The following TTN variants were observed in gnomAD, a reference collection of about 807,000 sequenced individuals.
TTN encodes the protein connectin.
In TTN, 1,525 loss-of-function variants were observed where a neutral mutation model predicts 3,223.0. The observed-to-expected ratio is 0.47, with a 90% CI of 0.45 to 0.49. The LOEUF (loss-of-function observed/expected upper bound fraction) is 0.49. Among genes scored for constraint, TTN ranks in the 20% least tolerant of loss-of-function variants. The pLI is 0.00. For missense variants in TTN, 40,786 were observed against 43,424.0 expected (o/e 0.94, Z 5.40); for synonymous variants, 14,094 against 15,161.0 (o/e 0.93, Z 5.17).
chr2:178,675,878 G>T (rs370769889), intron 148 of TTN, 43 bp downstream of exon 148: 5 of 1,577,318 alleles, frequency 3.2e-6, no homozygotes, highest in African/African-American at 2.7e-5. Context: ...TATAGGAGAA[G>T]GAAGGAAATG....
At position 178,727,278 on chromosome 2, in the gene TTN, T is replaced by C. The variant is rs764124148; in HGVS notation, c.20087A>G (p.Glu6696Gly). 1.2e-6 allele frequency: 2 copies of C among 1,613,182 alleles called. No homozygotes were observed. The highest frequency in any genetic ancestry group is 3.3e-5 in the Admixed American group (2 of 59,930). Residue 6696 changes from glutamate to glycine, a missense_variant, in exon 69 of 363, where the codon GAA becomes GGA. Physicochemically the swap from Glu to Gly is moderately conservative, Grantham distance 98. Transcript: ENST00000589042. ...RLECKIAGSP[E>G]IRVVWFRNEH... is the part of the protein sequence containing the mutation. ...ATTTCGGAACCACACAACTCTGATT[T>C]CTGGGGATCCAGCTATCTTGCATTC...
In TTN at chr2:178,695,348, C is replaced by T; in HGVS notation, c.31270G>A (p.Val10424Ile). 1.2e-6 allele frequency: 2 copies of T among 1,610,742 alleles called. No homozygotes were observed. The highest frequency in any genetic ancestry group is 4.5e-5 in the East Asian group (2 of 44,756). The change falls in exon 115 of 363, where the codon GTT (valine) becomes ATT (isoleucine). Residue 10424 changes from valine (V) to isoleucine (I), a missense_variant and splice_region_variant. Coordinates refer to ENST00000589042, the MANE Select transcript of TTN (RefSeq NM_001267550.2). ...PEKKAPPPPK[V>I]IKKPVIEKIE... ...TATTTAAATATTTCTAATTACTTACCTTTAGGAGGTGGTGGTGCTTTCTTT... is the reference window on the plus strand; with the variant it reads ...TATTTAAATATTTCTAATTACTTACTTTTAGGAGGTGGTGGTGCTTTCTTT...
At position 178,612,204 on chromosome 2, in the gene TTN, G is replaced by A. The variant is rs762415456; in HGVS notation, c.50249-42C>T. On this transcript the variant is annotated intron_variant, in intron 266 of 362. Transcript: ENST00000589042. ...CAATGATTAGGAAAACCAGAGGAAA[G>A]GTGATAATCTCCTGTCACAAAAATT... The A allele has an allele frequency of 1.9e-5, 30 of 1,606,060 alleles. No homozygotes were observed. In the South Asian group the frequency reaches 3.4e-4, roughly 18 times the overall value.
chr2:178,545,318 G>C (rs986667616), intron 344 of TTN, 70 bp downstream of exon 344: 2 of 1,397,500 alleles, frequency 1.4e-6, no homozygotes, highest in Non-Finnish European at 1.9e-6. Flanking sequence ...CTTAGAGATT[G>C]TGTGTTGGAA....
chr2:178,694,935 C>A (rs1044978709), intron 115 of TTN, 29 bp from the exon 116 acceptor site: 10 of 1,459,744 alleles, frequency 6.9e-6, no homozygotes, highest in Non-Finnish European at 5.6e-6. Flanking sequence ...AATTGCAGTA[C>A]TTTTAGAATT....
At chr2:178,762,110 C>T (rs1038293151) in intron 43 of TTN, among the ~76,000 whole-genome samples, 2 of 152,022 alleles carry the variant, frequency 1.3e-5, no homozygotes, top group Non-Finnish European at 1.5e-5. Context: ...TGAAGACTCC[C>T]AATTTCTTTC....
Position 178,701,188 on chromosome 2 carries a change from A to G in TTN, c.30614T>C (p.Val10205Ala), listed in dbSNP as rs1060500449. ...AVPPEEIPPVVAPPIPLLLPT... is the reference protein window; with the variant it reads ...AVPPEEIPPVAAPPIPLLLPT... ...TAGCAAAAGGGGGATAGGAGGAGCA[A>G]CCACAGGAGGGATTTCTGAAGAAAA... The change falls in exon 111 of 363, where the codon GTT becomes GCT. Residue 10205 changes from valine (V) to alanine (A), a missense_variant. Transcript: ENST00000589042. The G allele has an allele frequency of 4.3e-6, 7 of 1,609,974 alleles. No homozygotes were observed. Among genetic ancestry groups the G allele is most frequent in the Non-Finnish European group, 5.9e-6 (7 of 1,178,772 alleles).
chr2:178,729,332 T>C lies in TTN; in HGVS notation c.18824A>G (p.Asn6275Ser), dbSNP rs184412722. ...DTGEYQCIVSNEGGSCSCSTR... is the reference protein window; with the variant it reads ...DTGEYQCIVSSEGGSCSCSTR... The stretch of plus-strand genomic sequence containing the variant: ...ACTGCATGAGCAGCTGCCGCCTTCA[T>C]TGGATACAATGCACTGGTATTCCCC... The change falls in exon 64 of 363, where the codon AAT becomes AGT. Residue 6275 changes from asparagine (N) to serine (S), a missense_variant. Coordinates refer to ENST00000589042, the MANE Select transcript of TTN (RefSeq NM_001267550.2). 3,593 of 1,612,842 alleles carry C rather than the reference T, an allele frequency of 2.2e-3. 53 individuals are homozygous for C. Among genetic ancestry groups the C allele is most frequent in the South Asian group, 0.022 (1,965 of 91,028 alleles).
intron 113 of TTN, 133 bp downstream of exon 113, chr2:178,696,988 T>A (rs1437769218): frequency 2.7e-6 from 2 of 747,378 alleles, no homozygotes; most frequent in African/African-American, 3.7e-5. Flanking sequence ...TCATTTCTAA[T>A]GCTAAATTTA....
chr2:178,688,948 G>C lies in TTN; in HGVS notation c.32095+105C>G, dbSNP rs1015303683. ...AAAGTTTCACTGCAAGTGAGACAATGGATCAGTATAAGCACAGACCAGATG... is the reference window on the plus strand; with the variant it reads ...AAAGTTTCACTGCAAGTGAGACAATCGATCAGTATAAGCACAGACCAGATG... On this transcript the variant is annotated intron_variant, in intron 125 of 362. Transcript: ENST00000589042. The C allele has an allele frequency of 5.6e-6, 7 of 1,244,746 alleles. No individual in the cohort carries two copies. In the East Asian group the frequency reaches 1.5e-4, roughly 26 times the overall value. The allele number at this position is 1,244,746 out of a possible 1,614,324, so 77.1% of individuals were successfully genotyped here.
intron 16 of TTN, 93 bp from the exon 17 acceptor site, chr2:178,783,878 A>T (rs2092976742): frequency 9.9e-7 from 1 of 1,012,046 alleles, no homozygotes; most frequent in African/African-American, 1.7e-5. Flanking sequence ...AATTATAAAA[A>T]TATAAAAATA....
At chr2:178,673,335 T>C (rs2067343214) in intron 152 of TTN, among the ~76,000 whole-genome samples, 1 of 151,800 alleles carries the variant, frequency 6.6e-6, no homozygotes, top group South Asian at 2.1e-4. Context: ...TGGAATAAAA[T>C]CTAAAATGTG....
chr2:178,675,594 T>G (rs954451510), intron 149 of TTN, 77 bp downstream of exon 149: 2 of 1,115,538 alleles, frequency 1.8e-6, no homozygotes, highest in African/African-American at 3.2e-5. Flanking sequence ...CACACATTTA[T>G]GTTGAGTGTC....
In TTN at chr2:178,767,870, C is replaced by A. The variant is rs1462155413; in HGVS notation, c.9360G>T (p.Arg3120=). 3 of 1,614,064 alleles carry A rather than the reference C, an allele frequency of 1.9e-6. No homozygotes were observed. The Admixed American group carries it at 5.0e-5, about 27-fold the overall frequency. Reference sequence around the variant, plus strand: ...CTGTGTACTTCCCAGCATCAGACATCCGGGTGGATGGGATCAGAAGGCGGT... The same window carrying A: ...CTGTGTACTTCCCAGCATCAGACATACGGGTGGATGGGATCAGAAGGCGGT... The part of the protein sequence containing the change: ...YVHRLLIPST[R]MSDAGKYTVV... The change falls in exon 40 of 363, where the codon CGG becomes CGT. Residue 3120 remains arginine, a synonymous_variant. Transcript: ENST00000589042.
rs1347507759 is a variant in TTN at position 178,557,568 on chromosome 2, GA to G, written c.87707-14del. 7 of 1,613,698 alleles carry G rather than the reference GA, an allele frequency of 4.3e-6. No homozygotes were observed. Among genetic ancestry groups the G allele is most frequent in the Non-Finnish European group, 5.9e-6 (7 of 1,179,804 alleles). On this transcript the variant is annotated splice_polypyrimidine_tract_variant and intron_variant, in intron 328 of 362. Coordinates refer to ENST00000589042, the MANE Select transcript of TTN (RefSeq NM_001267550.2). ...GGTCCAGGTGTTGCTACAAAAGAGA[GA>G]AATCCTATAGATTAGTACAGACAAT...
At chr2:178,631,434 C>T in intron 236 of TTN, 134 bp from the exon 237 acceptor site, 3 of 972,392 alleles carry the variant, frequency 3.1e-6, no homozygotes, top group Non-Finnish European at 4.4e-6. Flanking sequence ...ATCATTTAAC[C>T]TGTTTATGTT....
rs2154332290 is a variant in TTN at position 178,753,114 on chromosome 2, A to G, written c.11311+10T>C. The G allele has an allele frequency of 6.2e-7, 1 of 1,606,548 alleles. No individual in the cohort carries two copies. The highest frequency in any genetic ancestry group is 2.2e-5 in the East Asian group (1 of 44,524). On this transcript the variant is annotated intron_variant, in intron 47 of 362. Coordinates refer to ENST00000589042, the MANE Select transcript of TTN (RefSeq NM_001267550.2). Reference sequence around the variant, plus strand: ...TTTCTACTTAAATCTCACATCCATTATAACAATACCTTTCATTTCCATCTC... The same window carrying G: ...TTTCTACTTAAATCTCACATCCATTGTAACAATACCTTTCATTTCCATCTC...
chr2:178,721,469 T>A (rs182485452), intron 78 of TTN, among the ~76,000 whole-genome samples: 176 of 151,996 alleles, frequency 1.2e-3, no homozygotes, highest in Admixed American at 7.1e-3. Context: ...AGTTGATTCT[T>A]TTTTTTAGTT....
chr2:178,562,746 C>T lies in TTN; in HGVS notation c.83386G>A (p.Ala27796Thr), dbSNP rs780507493. 2.5e-6 allele frequency: 4 copies of T among 1,611,890 alleles called. No individual in the cohort carries two copies. Among genetic ancestry groups the T allele is most frequent in the Non-Finnish European group, 2.5e-6 (3 of 1,178,770 alleles). Residue 27796 changes from alanine (A) to threonine (T), a missense_variant, in exon 326 of 363, where the codon GCT becomes ACT. Transcript: ENST00000589042. Reference sequence around the variant, plus strand: ...TCGACAATGTAGTTTGTAATCTTAGCTCCACCATCAATAAGTGGTGGTTCC... The same window carrying T: ...TCGACAATGTAGTTTGTAATCTTAGTTCCACCATCAATAAGTGGTGGTTCC... ...SWEPPLIDGGAKITNYIVEKR... is the reference protein window; with the variant it reads ...SWEPPLIDGGTKITNYIVEKR...
Sources: gnomAD v4.1 joint callset for allele counts (sites outside exome capture counted in the v4.1 genomes callset) on GRCh38, gnomAD v4.1.1 for gene constraint, MANE v1.5 for transcripts, NCBI Gene and HGNC (gene_info 2026-07-23, HGNC 2026-07-21) for gene names.